The following CA10 variants were observed in gnomAD, a reference collection of about 807,000 sequenced individuals.
CA10 encodes carbonic anhydrase-related protein 10.
In CA10, 14 loss-of-function variants were observed where a neutral mutation model predicts 44.2. The observed-to-expected ratio is 0.32, with a 90% CI of 0.21 to 0.50. CA10 has a LOEUF of 0.50. Among genes scored for constraint, CA10 ranks in the 20% least tolerant of loss-of-function variants. CA10 has a pLI of 0.99. For missense variants in CA10, 350 were observed against 409.7 expected, an observed-to-expected ratio of 0.85 and a Z score of 1.26; for synonymous variants, 159 against 141.6, an observed-to-expected ratio of 1.12 and a Z score of -0.87.
intron 2 of CA10, among the ~76,000 whole-genome samples, chr17:52,023,697 C>A (rs1367887571): frequency 1.2e-4 from 18 of 147,620 alleles, no homozygotes; most frequent in Admixed American, 2.0e-4. Context: ...TACAGAATGG[C>A]AAAAAAAAAA....
chr17:52,049,883 C>A (rs1051184492), intron 2 of CA10, among the ~76,000 whole-genome samples: 1 of 152,030 alleles, frequency 6.6e-6, no homozygotes, highest in African/African-American at 2.4e-5. Flanking sequence ...TTTTACTGGC[C>A]CTTTTCTATG....
At chr17:51,650,716 C>T (rs908245893) in intron 5 of CA10, among the ~76,000 whole-genome samples, 6 of 152,192 alleles carry the variant, frequency 3.9e-5, no homozygotes, top group Non-Finnish European at 7.3e-5. Context: ...AATATATTGT[C>T]GTGGCAGGTA....
chr17:51,715,553 GTATT>G (rs1331825077), intron 4 of CA10, among the ~76,000 whole-genome samples: 7 of 152,018 alleles, frequency 4.6e-5, no homozygotes, highest in Admixed American at 4.6e-4. Context: ...ATCCCCTCAA[GTATT>G]TACCCTTTGT....
intron 1 of CA10, among the ~76,000 whole-genome samples, chr17:52,088,019 A>G (rs1317012429): frequency 2.6e-5 from 4 of 152,150 alleles, no homozygotes; most frequent in African/African-American, 9.7e-5. Flanking sequence ...AGTGGGAGCT[A>G]AATGATGAGA....
intron 2 of CA10, among the ~76,000 whole-genome samples, chr17:51,989,788 C>T (rs1021267647): frequency 1.3e-5 from 2 of 152,076 alleles, no homozygotes; most frequent in Admixed American, 6.6e-5. Context: ...TAATTATATC[C>T]AGCCCAATCA....
chr17:51,645,627 A>G (rs1426621866), intron 6 of CA10, among the ~76,000 whole-genome samples: 1 of 152,254 alleles, frequency 6.6e-6, no homozygotes, highest in East Asian at 1.9e-4. Flanking sequence ...ATTAAGAGAA[A>G]AACATGCTGA....
chr17:51,945,032 A>G (rs1309390793), intron 2 of CA10, among the ~76,000 whole-genome samples: 1 of 152,164 alleles, frequency 6.6e-6, no homozygotes, highest in Middle Eastern at 3.2e-3. Flanking sequence ...GTAGGAAAGG[A>G]GAGAAAGGGC....
intron 1 of CA10, among the ~76,000 whole-genome samples, chr17:52,148,204 AGTTCAAC>A (rs1412791939): frequency 6.6e-6 from 1 of 152,168 alleles, no homozygotes. Flanking sequence ...AAAGCACTCT[AGTTCAAC>A]ACACTAACAA....
At chr17:51,843,633 G>C (rs1164011128) in intron 3 of CA10, among the ~76,000 whole-genome samples, 1 of 152,098 alleles carries the variant, frequency 6.6e-6, no homozygotes, top group Non-Finnish European at 1.5e-5. Flanking sequence ...CCTAGTAATA[G>C]TGTCTAATTA....
intron 4 of CA10, among the ~76,000 whole-genome samples, chr17:51,654,812 T>A (rs1003880351): frequency 1.3e-5 from 2 of 152,134 alleles, no homozygotes; most frequent in Non-Finnish European, 2.9e-5. Context: ...CGCCTTGGCC[T>A]CCCAAAGTGC....
Position 52,146,604 on chromosome 17 carries a change from G to A in CA10, c.61+11122C>T, listed in dbSNP as rs1236835277. Among the ~76,000 whole-genome samples the A allele has an allele frequency of 3.3e-5, 5 of 151,982 alleles. No homozygotes were observed. In the Middle Eastern group the frequency reaches 0.014, roughly 416 times the overall value. On this transcript the variant is annotated intron_variant, in intron 1 of 8. Transcript: ENST00000451037. The stretch of plus-strand genomic sequence containing the variant: ...ACTCGGGAGGCTGAGGCAGGAGAAT[G>A]GCGTGAACCCAGGAGGCGGAGCTTG...
chr17:51,683,929 C>T (rs939049044), intron 4 of CA10, among the ~76,000 whole-genome samples: 3 of 152,162 alleles, frequency 2.0e-5, no homozygotes, highest in Non-Finnish European at 4.4e-5. Context: ...GACTCCTAAG[C>T]CTGGTCCCAC....
chr17:51,782,646 C>T (rs1047383702), intron 3 of CA10, among the ~76,000 whole-genome samples: 1 of 152,180 alleles, frequency 6.6e-6, no homozygotes, highest in Admixed American at 6.5e-5. Context: ...CGTCCAACCC[C>T]CTTGACCAAG....
chr17:52,054,124 C>A (rs553044847), intron 2 of CA10, among the ~76,000 whole-genome samples: 11 of 152,142 alleles, frequency 7.2e-5, no homozygotes, highest in African/African-American at 2.7e-4. Context: ...GTGAGCCAGG[C>A]GGAACAGAGT....
intron 4 of CA10, among the ~76,000 whole-genome samples, chr17:51,723,373 G>C (rs1271195393): frequency 2.0e-5 from 3 of 152,148 alleles, no homozygotes; most frequent in Admixed American, 1.3e-4. Context: ...GAAGCCAAAA[G>C]GTTCAAGAAA....
chr17:51,855,990 GC>G (rs199986121), intron 3 of CA10, among the ~76,000 whole-genome samples: 2,817 of 152,244 alleles, frequency 0.019, 47 homozygotes, highest in South Asian at 0.064. Context: ...TCAATGGGGG[GC>G]TGAAGGAGCA....
chr17:51,695,875 G>C (rs978174475), intron 4 of CA10, among the ~76,000 whole-genome samples: 4 of 152,044 alleles, frequency 2.6e-5, no homozygotes. Context: ...TTATCACTTA[G>C]GGATGTTGGA....
chr17:51,925,521 G>A (rs1982395320), intron 3 of CA10, among the ~76,000 whole-genome samples: 1 of 151,844 alleles, frequency 6.6e-6, no homozygotes. Flanking sequence ...TAGCCACTGT[G>A]TAAAAAAGTG....
At chr17:51,735,046 A>G (rs1880770) in intron 4 of CA10, among the ~76,000 whole-genome samples, 98,511 of 152,036 alleles carry the variant, frequency 0.65, 32,111 homozygotes, top group Admixed American at 0.73. Flanking sequence ...AAGGGCCCTT[A>G]ACCCATCTTC....
Sources: allele counts gnomAD v4.1 joint callset (sites outside exome capture counted in the v4.1 genomes callset), GRCh38; gene constraint gnomAD v4.1.1; transcripts MANE v1.5; gene names NCBI Gene and HGNC (gene_info 2026-07-23, HGNC 2026-07-21).